Variants in OR2L13 observed in about 807,000 individuals in gnomAD.
The protein encoded by OR2L13 is olfactory receptor family 2 subfamily L member 13, also known as olfactory receptor 2L13.
In OR2L13, 14 loss-of-function variants were observed where a neutral mutation model predicts 15.3. The ratio of observed to expected loss-of-function variants is 0.91; its 90% CI spans 0.60 to 1.43. OR2L13 has a LOEUF of 1.43. OR2L13 is among the 40% of genes most tolerant of loss of function. The pLI is 0.00. For synonymous variants in OR2L13, 152 were observed against 142.9 expected, an observed-to-expected ratio of 1.06 and a Z score of -0.45; for missense variants, 367 against 387.9, an observed-to-expected ratio of 0.95 and a Z score of 0.45.
At chr1:248,067,990 G>T in the OR2L13 span, among the ~76,000 whole-genome samples, 1 of 152,232 alleles carries the variant, frequency 6.6e-6, no homozygotes, top group African/African-American at 2.4e-5. Context: ...CAAAGCAGGC[G>T]GGAAGCTCGA....
the OR2L13 span, chr1:248,063,327 A>G: frequency 6.6e-6 from 1 of 152,272 alleles, no homozygotes; most frequent in African/African-American, 2.4e-5. Context: ...GTAAAGTATT[A>G]CATAGTGCAA....
chr1:248,068,179 G>T, the OR2L13 span, among the ~76,000 whole-genome samples: 1 of 152,166 alleles, frequency 6.6e-6, no homozygotes, highest in Non-Finnish European at 1.5e-5. Context: ...ATCTGAGAAA[G>T]GGCAGACTGC....
chr1:247,970,240 A>G, the OR2L13 span, among the ~76,000 whole-genome samples: 1 of 152,166 alleles, frequency 6.6e-6, no homozygotes, highest in Non-Finnish European at 1.5e-5. Flanking sequence ...TACATTTTAT[A>G]AAATTTGTAA....
upstream of OR2L13, among the ~76,000 whole-genome samples, chr1:248,092,031 C>T (rs1004779887): frequency 2.6e-5 from 4 of 151,914 alleles, no homozygotes; most frequent in African/African-American, 9.7e-5. Context: ...GTATTCTTTT[C>T]ATGGCCATAG....
At chr1:248,039,000 A>C in the OR2L13 span, 2 of 1,613,988 alleles carry the variant, frequency 1.2e-6, no homozygotes, top group Non-Finnish European at 1.7e-6. Flanking sequence ...CACCCACCTC[A>C]CTGTAGTGTC....
the OR2L13 span, chr1:248,061,215 T>C: frequency 6.2e-7 from 1 of 1,611,866 alleles, no homozygotes; most frequent in Non-Finnish European, 8.5e-7. Flanking sequence ...ATTTCTTCTG[T>C]GATGTCCCAG....
exon 3 of OR2L13, chr1:248,099,967 G>A: frequency 6.2e-7 from 1 of 1,614,006 alleles, no homozygotes. Context: ...TGAATATATG[G>A]TTTTTGTAAG....
At chr1:247,968,847 T>C in the OR2L13 span, among the ~76,000 whole-genome samples, 1 of 152,154 alleles carries the variant, frequency 6.6e-6, no homozygotes, top group Non-Finnish European at 1.5e-5. Context: ...TATAATCCTT[T>C]GGGTATATAC....
chr1:247,963,644 T>G, the OR2L13 span, among the ~76,000 whole-genome samples: 1 of 152,182 alleles, frequency 6.6e-6, no homozygotes. Flanking sequence ...TTTGGCATAG[T>G]TATAAGTAAT....
At chr1:248,090,298 G>GT (rs1423498381), upstream of OR2L13, among the ~76,000 whole-genome samples, 1 of 151,030 alleles carries the variant, frequency 6.6e-6, no homozygotes, top group Non-Finnish European at 1.5e-5. Context: ...CGTTTAGTAT[G>GT]TTTTTTAATT....
chr1:248,018,708 A>G, the OR2L13 span, among the ~76,000 whole-genome samples: 1 of 152,200 alleles, frequency 6.6e-6, no homozygotes, highest in Non-Finnish European at 1.5e-5. Context: ...GGCATTAAGG[A>G]CATTTATGTT....
the OR2L13 span, chr1:247,965,986 C>T: frequency 6.2e-7 from 1 of 1,611,376 alleles, no homozygotes; most frequent in African/African-American, 1.3e-5. Flanking sequence ...CCTGAGTGGA[C>T]TTATTATCTT....
chr1:247,988,723 C>A, the OR2L13 span, among the ~76,000 whole-genome samples: 1 of 152,136 alleles, frequency 6.6e-6, no homozygotes, highest in Non-Finnish European at 1.5e-5. Context: ...CCACTGATGT[C>A]TTCTATCTGG....
At chr1:248,081,720 T>A in the OR2L13 span, among the ~76,000 whole-genome samples, 4 of 152,180 alleles carry the variant, frequency 2.6e-5, no homozygotes, top group East Asian at 1.9e-4. Flanking sequence ...AAACAAATGA[T>A]GCTATCTCCT....
At chr1:248,060,566 C>A in the OR2L13 span, 1 of 784,350 alleles carries the variant, frequency 1.3e-6, no homozygotes, top group Non-Finnish European at 2.2e-6. Flanking sequence ...TCAGTGTCAA[C>A]TCCAGTCTCA....
chr1:248,014,191 A>C, the OR2L13 span, among the ~76,000 whole-genome samples: 1 of 152,040 alleles, frequency 6.6e-6, no homozygotes, highest in Non-Finnish European at 1.5e-5. Flanking sequence ...CTTACTTGCT[A>C]TTTCACCTCA....
At chr1:247,975,391 G>A in the OR2L13 span, 9,735 of 648,746 alleles carry the variant, frequency 0.015, 90 homozygotes, top group Middle Eastern at 0.032. Context: ...TCTCCTTACT[G>A]TCTACCACAT....
the OR2L13 span, among the ~76,000 whole-genome samples, chr1:248,048,665 T>C: frequency 1.3e-5 from 2 of 152,164 alleles, no homozygotes; most frequent in African/African-American, 2.4e-5. Context: ...AAACTGACAC[T>C]GTCACCTGTT....
At chr1:248,060,672 C>G in the OR2L13 span, 5 of 1,601,956 alleles carry the variant, frequency 3.1e-6, no homozygotes, top group Non-Finnish European at 4.3e-6. Context: ...AAAGAGCACA[C>G]GAATGCCCCA....
Sources: allele counts gnomAD v4.1 joint callset (sites outside exome capture counted in the v4.1 genomes callset), GRCh38; gene constraint gnomAD v4.1.1; transcripts MANE v1.5; gene names NCBI Gene and HGNC (gene_info 2026-07-23, HGNC 2026-07-21).